FGD4: variants seen among roughly 807,000 people sequenced by gnomAD.
FGD4 encodes the protein FYVE, RhoGEF and PH domain-containing protein 4.
FGD4 carries 42 observed loss-of-function variants against 102.0 expected under a neutral mutation model. That is an observed-to-expected ratio of 0.41 (90% CI 0.32 to 0.53). The LOEUF (loss-of-function observed/expected upper bound fraction) is 0.53, where lower values mean the gene tolerates loss of function less well. Ranked by LOEUF, FGD4 falls within the 20% of genes least tolerant of loss-of-function variation. The pLI, the probability that FGD4 is intolerant of heterozygous loss-of-function variation, is 0.21. For synonymous variants in FGD4, 380 were observed against 375.7 expected (o/e 1.01, Z -0.13); for missense variants, 902 against 1,078.2 (o/e 0.84, Z 2.29).
chr12:32,550,449 C>T (rs879823835), intron 1 of FGD4, among the ~76,000 whole-genome samples: 16 of 151,994 alleles, frequency 1.1e-4, no homozygotes, highest in Admixed American at 5.2e-4. Flanking sequence ...GCAGTAGGAT[C>T]GCTTGAGCCC....
At chr12:32,600,822 T>C (rs912874937) in intron 5 of FGD4, among the ~76,000 whole-genome samples, 16 of 152,082 alleles carry the variant, frequency 1.1e-4, no homozygotes, top group African/African-American at 3.9e-4. Flanking sequence ...ACAATTTTAA[T>C]AGGAAAAATG....
intron 1 of FGD4, 27 bp downstream of exon 1, chr12:32,399,986 G>A: frequency 1.4e-6 from 2 of 1,432,712 alleles, no homozygotes; most frequent in Non-Finnish European, 1.8e-6. Context: ...GCGGGGGAAG[G>A]GTGGCCCCGG....
intron 1 of FGD4, among the ~76,000 whole-genome samples, chr12:32,545,340 G>C (rs1943147431): frequency 1.3e-5 from 2 of 152,110 alleles, no homozygotes. Context: ...GTTTTTACTT[G>C]CCCAAGGTCA....
At chr12:32,624,541 A>T in intron 12 of FGD4, 89 bp downstream of exon 12, 1 of 1,082,638 alleles carries the variant, frequency 9.2e-7, no homozygotes. Flanking sequence ...TGGTGTGATC[A>T]TGTCTCACTG....
At chr12:32,511,050 A>AG (rs974624150) in intron 1 of FGD4, 2 of 152,220 alleles carry the variant, frequency 1.3e-5, no homozygotes, top group African/African-American at 4.8e-5. Flanking sequence ...AGATTATAAG[A>AG]GGGAAGTTAT....
intron 11 of FGD4, among the ~76,000 whole-genome samples, chr12:32,622,623 G>A (rs1032266728): frequency 1.3e-5 from 2 of 152,020 alleles, no homozygotes; most frequent in African/African-American, 2.4e-5. Context: ...GCAGAGTTTT[G>A]CTCTTGTTAC....
chr12:32,582,076 A>G lies in FGD4; in HGVS notation c.620A>G (p.His207Arg), dbSNP rs771263415. The stretch of plus-strand genomic sequence containing the variant: ...CCTCAACAAAAACTCCTCTCCCAGC[A>G]CTTGCCACAGAGGCAGGGAAATGAT... ...TTPQQKLLSQHLPQRQGNDTD... is the reference protein window; with the variant it reads ...TTPQQKLLSQRLPQRQGNDTD... The change falls in exon 4 of 17, where the codon CAC (histidine) becomes CGC (arginine). Residue 207 changes from histidine to arginine, a missense_variant. Coordinates refer to ENST00000534526, the MANE Select transcript of FGD4 (RefSeq NM_001370298.3). 1.9e-6 allele frequency: 3 copies of G among 1,614,078 alleles called. No individual in the cohort carries two copies. The highest frequency in any genetic ancestry group is 1.7e-6 in the Non-Finnish European group (2 of 1,180,044).
chr12:32,494,567 T>G (rs1337315928), intron 1 of FGD4, among the ~76,000 whole-genome samples: 1 of 152,204 alleles, frequency 6.6e-6, no homozygotes, highest in African/African-American at 2.4e-5. Flanking sequence ...GTGATACCTG[T>G]TTTTATGAAC....
intron 1 of FGD4, among the ~76,000 whole-genome samples, chr12:32,452,574 A>G (rs906065597): frequency 2.6e-5 from 4 of 152,248 alleles, no homozygotes; most frequent in Non-Finnish European, 5.9e-5. Flanking sequence ...ACAAAAAGTA[A>G]AGCTTCAGTG....
chr12:32,444,563 C>A (rs1942557366), intron 1 of FGD4, among the ~76,000 whole-genome samples: 1 of 152,066 alleles, frequency 6.6e-6, no homozygotes, highest in Non-Finnish European at 1.5e-5. Flanking sequence ...CATCACCACA[C>A]CCAGCTAATT....
intron 8 of FGD4, 110 bp downstream of exon 8, chr12:32,608,205 T>C (rs1451688982): frequency 1.4e-6 from 2 of 1,416,296 alleles, no homozygotes; most frequent in East Asian, 2.3e-5. Context: ...CAAATGTTGC[T>C]GTTAGAAGAT....
intron 1 of FGD4, among the ~76,000 whole-genome samples, chr12:32,428,023 C>T (rs1941909302): frequency 6.6e-6 from 1 of 152,088 alleles, no homozygotes; most frequent in South Asian, 2.1e-4. Context: ...TCTAATTTGC[C>T]AGTCTGTGTC....
chr12:32,560,928 T>C (rs556709145), intron 1 of FGD4, among the ~76,000 whole-genome samples: 2 of 151,940 alleles, frequency 1.3e-5, no homozygotes, highest in East Asian at 3.9e-4. Flanking sequence ...CTAGCGTCAT[T>C]TAATTTCTGT....
intron 1 of FGD4, among the ~76,000 whole-genome samples, chr12:32,415,236 A>G (rs1302814884): frequency 6.6e-6 from 1 of 152,144 alleles, no homozygotes; most frequent in African/African-American, 2.4e-5. Context: ...CCATATGCTC[A>G]GGAGGATGTT....
At chr12:32,410,371 C>G (rs1019376856) in intron 1 of FGD4, among the ~76,000 whole-genome samples, 26 of 151,118 alleles carry the variant, frequency 1.7e-4, no homozygotes, top group African/African-American at 6.1e-4. Context: ...CTTAGCTACT[C>G]AGGAGGGTGA....
chr12:32,625,026 A>G lies in FGD4; in HGVS notation c.2004A>G (p.Arg668=). Residue 668 remains arginine (R), a synonymous_variant, in exon 13 of 17, where the codon AGA becomes AGG. Coordinates refer to ENST00000534526, the MANE Select transcript of FGD4 (RefSeq NM_001370298.3). ...TTCATCAAAGGCATGAAACCTTCAGAAATGCAATTGCAAAGGATAATGACA... is the reference window on the plus strand; with the variant it reads ...TTCATCAAAGGCATGAAACCTTCAGGAATGCAATTGCAAAGGATAATGACA... ...DAFHQRHETF[R]NAIAKDNDIH... is the part of the protein sequence containing the mutation. 6.2e-7 allele frequency: 1 copy of G among 1,613,478 alleles called. No homozygotes were observed.
chr12:32,620,253 C>T (rs1949726079), intron 11 of FGD4, among the ~76,000 whole-genome samples: 1 of 152,156 alleles, frequency 6.6e-6, no homozygotes, highest in Non-Finnish European at 1.5e-5. Flanking sequence ...CCATGCTAAT[C>T]TCTGAGTCTT....
chr12:32,462,167 G>C (rs185447804), intron 1 of FGD4, among the ~76,000 whole-genome samples: 1 of 152,058 alleles, frequency 6.6e-6, no homozygotes, highest in South Asian at 2.1e-4. Flanking sequence ...TCTTGATGTG[G>C]CAGCCTTAAG....
At chr12:32,529,563 G>A (rs187242836) in intron 1 of FGD4, among the ~76,000 whole-genome samples, 48 of 151,156 alleles carry the variant, frequency 3.2e-4, no homozygotes, top group Admixed American at 8.6e-4. Context: ...TGACATTGCC[G>A]GCCGGGCACG....
Sources: allele counts gnomAD v4.1 joint callset (sites outside exome capture counted in the v4.1 genomes callset), GRCh38; gene constraint gnomAD v4.1.1; transcripts MANE v1.5; gene names NCBI Gene and HGNC (gene_info 2026-07-23, HGNC 2026-07-21).